TACC2: variants seen among roughly 807,000 people sequenced by gnomAD.
TACC2 encodes the protein transforming acidic coiled-coil-containing protein 2.
A neutral mutation model predicts 227.3 loss-of-function variants in TACC2; 137 were observed. The observed-to-expected ratio is 0.60, with a 90% CI of 0.52 to 0.69. TACC2 has a LOEUF of 0.69. Ranked by LOEUF, TACC2 falls within the 30% of genes least tolerant of loss-of-function variation. TACC2 has a pLI of 0.00. For missense variants in TACC2, 3,470 were observed against 3,694.4 expected (o/e 0.94, Z 1.57); for synonymous variants, 1,523 against 1,487.5 (o/e 1.02, Z -0.55).
At chr10:122,163,489 C>T in intron 7 of TACC2, 1 of 868,238 alleles carries the variant, frequency 1.2e-6, no homozygotes, top group Non-Finnish European at 1.4e-6. Context: ...TCCCCACCCC[C>T]AGCCCCGTTT....
chr10:122,218,721 G>C (rs187902255), intron 11 of TACC2, among the ~76,000 whole-genome samples: 1 of 152,160 alleles, frequency 6.6e-6, no homozygotes, highest in African/African-American at 2.4e-5. Flanking sequence ...AGGTCCGAAA[G>C]TGACCATCTT....
At chr10:122,229,098 G>A (rs1284199133) in intron 14 of TACC2, among the ~76,000 whole-genome samples, 1 of 152,058 alleles carries the variant, frequency 6.6e-6, no homozygotes, top group Non-Finnish European at 1.5e-5. Flanking sequence ...AGGGTGGCGT[G>A]GGGGTGGGAG....
Position 122,050,526 on chromosome 10 carries a change from G to T in TACC2, c.122G>T (p.Ser41Ile). Residue 41 changes from serine (S) to isoleucine (I), a missense_variant, in exon 3 of 23, where the codon AGC becomes ATC. Around this residue, in one of 10 missense-constraint regions of TACC2, gnomAD observed 405 missense variants for 389.6 expected, o/e 1.04. Coordinates refer to ENST00000369005, the MANE Select transcript of TACC2 (RefSeq NM_206862.4). The surrounding 1 kb of genome is among the most constrained non-coding windows in gnomAD (Gnocchi z 4.6). ...IKRKQQDTPG[S>I]PDHRDASSIG... ...AGGAAGCAGCAGGACACGCCCGGAAGCCCTGACCACAGAGACGCGTCCAGG... is the reference window on the plus strand; with the variant it reads ...AGGAAGCAGCAGGACACGCCCGGAATCCCTGACCACAGAGACGCGTCCAGG... The T allele has an allele frequency of 6.2e-7, 1 of 1,614,060 alleles. No individual in the cohort carries two copies. Among genetic ancestry groups the T allele is most frequent in the Admixed American group, 1.7e-5 (1 of 60,024 alleles).
intron 15 of TACC2, among the ~76,000 whole-genome samples, chr10:122,229,875 A>C: frequency 6.6e-6 from 1 of 152,212 alleles, no homozygotes; most frequent in Non-Finnish European, 1.5e-5. Flanking sequence ...ATCTGGGCTC[A>C]GTCTTGCATC....
In TACC2 at chr10:122,195,255, G is replaced by A. The variant is rs1053705364; in HGVS notation, c.5971+79G>A. ...GGGAGATTTGCAGCAGTTCCTCCTGGGTCAGGCTGGAGGCGAGCACTGACT... is the reference window on the plus strand; with the variant it reads ...GGGAGATTTGCAGCAGTTCCTCCTGAGTCAGGCTGGAGGCGAGCACTGACT... On this transcript the variant is annotated intron_variant, in intron 8 of 22. Coordinates refer to ENST00000369005, the MANE Select transcript of TACC2 (RefSeq NM_206862.4). 2.1e-5 allele frequency: 28 copies of A among 1,356,978 alleles called. No individual in the cohort carries two copies. In the African/African-American group the frequency reaches 3.9e-4, roughly 19 times the overall value. The allele number at this position is 1,356,978 out of a possible 1,614,324, so 84.1% of individuals were successfully genotyped here. A position where few individuals can be genotyped will look rare whatever the true frequency, so the allele number is the denominator to read the frequency against.
In TACC2 at chr10:122,132,644, C is replaced by G; in HGVS notation, c.5609C>G (p.Ala1870Gly). Residue 1870 changes from alanine (A) to glycine (G), a missense_variant, in exon 6 of 23, where the codon GCC (alanine) becomes GGC (glycine). This residue lies in a region of TACC2 where 1,924 missense variants were observed against 1,978.3 expected (regional missense o/e 0.97). Coordinates refer to ENST00000369005, the MANE Select transcript of TACC2 (RefSeq NM_206862.4). Reference sequence around the variant, plus strand: ...GCAGATGATATCATCCAGCCCGCTGCCCCCGCAGACCTGGAAAGCCCAACC... The same window carrying G: ...GCAGATGATATCATCCAGCCCGCTGGCCCCGCAGACCTGGAAAGCCCAACC... Reference protein sequence around the residue: ...PVADDIIQPAAPADLESPTLA... With the variant: ...PVADDIIQPAGPADLESPTLA... The G allele has an allele frequency of 3.7e-6, 6 of 1,614,134 alleles. No homozygotes were observed. Among genetic ancestry groups the G allele is most frequent in the South Asian group, 3.3e-5 (3 of 91,080 alleles).
intron 5 of TACC2, chr10:122,088,834 A>G: frequency 7.4e-7 from 1 of 1,344,916 alleles, no homozygotes; most frequent in Non-Finnish European, 1.0e-6. Flanking sequence ...AAATTTAAAA[A>G]GTCAGTCTGG....
At chr10:122,005,024 C>A (rs1301222724) in intron 1 of TACC2, among the ~76,000 whole-genome samples, 1 of 152,020 alleles carries the variant, frequency 6.6e-6, no homozygotes, top group East Asian at 1.9e-4. Context: ...AATACATCAT[C>A]TAGTAGATTC....
chr10:121,992,481 C>A (rs576723466), intron 1 of TACC2, among the ~76,000 whole-genome samples: 1 of 152,242 alleles, frequency 6.6e-6, no homozygotes, highest in African/African-American at 2.4e-5. Context: ...AATGTAATTG[C>A]ACAGAACAAC....
intron 1 of TACC2, among the ~76,000 whole-genome samples, chr10:121,989,797 A>T (rs1952957114): frequency 6.6e-6 from 1 of 150,878 alleles, no homozygotes; most frequent in African/African-American, 2.4e-5. Flanking sequence ...TTACTCTGTC[A>T]TCCAAGCCAG....
intron 7 of TACC2, among the ~76,000 whole-genome samples, chr10:122,147,947 C>T (rs1044855217): frequency 7.9e-5 from 12 of 152,164 alleles, no homozygotes; most frequent in African/African-American, 2.7e-4. Flanking sequence ...TTCAACCATG[C>T]GGCCATGGCC....
At chr10:122,126,198 T>C (rs2086817272) in intron 5 of TACC2, among the ~76,000 whole-genome samples, 1 of 152,212 alleles carries the variant, frequency 6.6e-6, no homozygotes. Context: ...ATGGACTAAC[T>C]AGCTGGCATT....
chr10:122,006,422 C>T (rs1348542868), intron 1 of TACC2, among the ~76,000 whole-genome samples: 2 of 146,112 alleles, frequency 1.4e-5, no homozygotes, highest in Non-Finnish European at 3.1e-5. Context: ...GCACTTCAGC[C>T]TGGGCTACAG....
chr10:122,014,443 T>C (rs1321181903), intron 1 of TACC2, among the ~76,000 whole-genome samples: 1 of 152,148 alleles, frequency 6.6e-6, no homozygotes, highest in Non-Finnish European at 1.5e-5. Context: ...ACTCCTGACC[T>C]CAGGCGATCC....
At chr10:122,064,788 T>G (rs2077211391) in intron 3 of TACC2, among the ~76,000 whole-genome samples, 2 of 152,228 alleles carry the variant, frequency 1.3e-5, no homozygotes, top group Admixed American at 1.3e-4. Context: ...CTCTTTTTAG[T>G]GTCTCTATAG....
At chr10:122,236,727 C>G (rs1395008789) in intron 16 of TACC2, among the ~76,000 whole-genome samples, 1 of 152,188 alleles carries the variant, frequency 6.6e-6, no homozygotes, top group East Asian at 1.9e-4. Flanking sequence ...TGGATATTGT[C>G]ATTGACCCAG....
At chr10:122,101,552 T>C (rs1046974720) in intron 5 of TACC2, among the ~76,000 whole-genome samples, 1 of 2,082 alleles carries the variant, frequency 4.8e-4, no homozygotes, top group South Asian at 0.038. Flanking sequence ...AAACCCCATC[T>C]TTTTTTTTTT....
intron 1 of TACC2, among the ~76,000 whole-genome samples, chr10:122,018,013 A>AG (rs1956906591): frequency 3.5e-5 from 1 of 28,888 alleles, no homozygotes; most frequent in South Asian, 9.3e-4. Flanking sequence ...TATTTCTTCT[A>AG]AAAAAAAAAA....
chr10:122,173,783 G>A (rs1046294530), intron 7 of TACC2, among the ~76,000 whole-genome samples: 3 of 152,234 alleles, frequency 2.0e-5, no homozygotes, highest in African/African-American at 7.2e-5. Flanking sequence ...TTCCTGCCCA[G>A]CCTTTCTGGT....
Sources: allele counts gnomAD v4.1 joint callset (sites outside exome capture counted in the v4.1 genomes callset), GRCh38; gene constraint gnomAD v4.1.1; regional missense constraint gnomAD v4.1.1; non-coding constraint Gnocchi (gnomAD v3.1); transcripts MANE v1.5; gene names NCBI Gene and HGNC (gene_info 2026-07-23, HGNC 2026-07-21).